ARHGAP15: variants seen among roughly 807,000 people sequenced by gnomAD.
The protein encoded by ARHGAP15 is rho GTPase-activating protein 15.
ARHGAP15 carries 51 observed loss-of-function variants against 63.7 expected under a neutral mutation model. The observed-to-expected ratio is 0.80, with a 90% CI of 0.64 to 1.01. ARHGAP15 has a LOEUF of 1.01. ARHGAP15 is among the 50% of genes least tolerant of loss of function. The pLI is 0.00. For synonymous variants in ARHGAP15, 191 were observed against 193.8 expected, an observed-to-expected ratio of 0.99 and a Z score of 0.12; for missense variants, 560 against 564.6, an observed-to-expected ratio of 0.99 and a Z score of 0.08.
chr2:143,346,204 A>ACACACACTCTCT (rs1558909534), intron 6 of ARHGAP15, among the ~76,000 whole-genome samples: 100 of 144,736 alleles, frequency 6.9e-4, no homozygotes, highest in African/African-American at 2.6e-3. Flanking sequence ...TCTCTCTCTC[A>ACACACACTCTCT]CACACACACT....
At chr2:143,330,552 T>C (rs1159994787) in intron 6 of ARHGAP15, among the ~76,000 whole-genome samples, 5 of 152,200 alleles carry the variant, frequency 3.3e-5, no homozygotes, top group Admixed American at 1.3e-4. Context: ...TTGAGAACAT[T>C]GTATAAAGGC....
At chr2:143,622,876 G>A (rs1230818662) in intron 11 of ARHGAP15, among the ~76,000 whole-genome samples, 2 of 150,496 alleles carry the variant, frequency 1.3e-5, no homozygotes, top group South Asian at 2.1e-4. Flanking sequence ...AGCCCATGCA[G>A]AGAATCCCTA....
chr2:143,290,358 T>C (rs920760138), intron 6 of ARHGAP15, among the ~76,000 whole-genome samples: 1 of 151,342 alleles, frequency 6.6e-6, no homozygotes, highest in African/African-American at 2.4e-5. Context: ...AAAGTGGTGG[T>C]GTTTAAGGGT....
At chr2:143,367,717 T>C (rs1020821748) in intron 6 of ARHGAP15, among the ~76,000 whole-genome samples, 4 of 152,018 alleles carry the variant, frequency 2.6e-5, no homozygotes, top group Admixed American at 2.6e-4. Context: ...TCCCTTCATA[T>C]CTGTAATTCA....
intron 12 of ARHGAP15, among the ~76,000 whole-genome samples, chr2:143,634,081 T>C (rs1680179956): frequency 6.6e-6 from 1 of 152,124 alleles, no homozygotes; most frequent in South Asian, 2.1e-4. Flanking sequence ...GTCTTCAAAG[T>C]CCTTTATGAT....
chr2:143,399,840 G>T (rs1687921307), intron 6 of ARHGAP15, among the ~76,000 whole-genome samples: 1 of 152,070 alleles, frequency 6.6e-6, no homozygotes. Flanking sequence ...TAAGGACATT[G>T]GTGGGAAGAT....
intron 11 of ARHGAP15, among the ~76,000 whole-genome samples, chr2:143,592,613 TCTG>T (rs1343013304): frequency 6.6e-6 from 1 of 152,230 alleles, no homozygotes; most frequent in African/African-American, 2.4e-5. Flanking sequence ...AAGTTGTTCC[TCTG>T]CTGCACATTA....
chr2:143,272,177 C>G (rs1325714286), intron 6 of ARHGAP15, among the ~76,000 whole-genome samples: 1 of 152,134 alleles, frequency 6.6e-6, no homozygotes, highest in Admixed American at 6.5e-5. Flanking sequence ...CTGGTGGCCC[C>G]AGAAAACAGG....
In ARHGAP15 at chr2:143,524,432, C is replaced by T. The variant is rs1348448223; in HGVS notation, c.925+5068C>T. Among the ~76,000 whole-genome samples, 3 of 152,128 alleles carry T rather than the reference C, an allele frequency of 2.0e-5. No individual in the cohort carries two copies. In the East Asian group the frequency reaches 5.8e-4, roughly 29 times the overall value. ...ACTTTGATTTTTGTCCCATTTTATG[C>T]TCATTCCAAACTGTTTACAACCCAC... is the stretch of plus-strand genomic sequence containing the variant. On this transcript the variant is annotated intron_variant, in intron 10 of 13. Coordinates refer to ENST00000295095, the MANE Select transcript of ARHGAP15 (RefSeq NM_018460.4).
chr2:143,735,221 T>C (rs2105494071), intron 13 of ARHGAP15, among the ~76,000 whole-genome samples: 1 of 152,350 alleles, frequency 6.6e-6, no homozygotes, highest in Admixed American at 6.5e-5. Context: ...TGAAAACCTA[T>C]CTTAGGCTTC....
intron 9 of ARHGAP15, among the ~76,000 whole-genome samples, chr2:143,504,654 A>G (rs1200511758): frequency 6.6e-6 from 1 of 152,164 alleles, no homozygotes; most frequent in Non-Finnish European, 1.5e-5. Flanking sequence ...TACTCAAGGG[A>G]GTCCCTGAAG....
chr2:143,713,568 C>A (rs1429963534), intron 13 of ARHGAP15, among the ~76,000 whole-genome samples: 1 of 152,156 alleles, frequency 6.6e-6, no homozygotes, highest in Non-Finnish European at 1.5e-5. Flanking sequence ...ACCCAAAAGT[C>A]CACAGTCCAA....
chr2:143,294,066 C>T (rs1420816107), intron 6 of ARHGAP15, among the ~76,000 whole-genome samples: 1 of 152,020 alleles, frequency 6.6e-6, no homozygotes, highest in Non-Finnish European at 1.5e-5. Flanking sequence ...AAATGATCAT[C>T]TCCTCTAAGC....
intron 8 of ARHGAP15, among the ~76,000 whole-genome samples, chr2:143,465,404 A>G (rs1181018534): frequency 1.3e-5 from 2 of 152,154 alleles, no homozygotes; most frequent in South Asian, 2.1e-4. Flanking sequence ...TAAGAATTGG[A>G]CCGTCCTTAA....
At chr2:143,139,248 C>G (rs1475706942) in intron 1 of ARHGAP15, among the ~76,000 whole-genome samples, 1 of 152,092 alleles carries the variant, frequency 6.6e-6, no homozygotes, top group East Asian at 1.9e-4. Flanking sequence ...GATTACATCT[C>G]TACTCCTGAA....
At chr2:143,363,920 T>A (rs1265247461) in intron 6 of ARHGAP15, among the ~76,000 whole-genome samples, 1 of 152,106 alleles carries the variant, frequency 6.6e-6, no homozygotes, top group Non-Finnish European at 1.5e-5. Context: ...GAAATCAAGT[T>A]TGAACAGTGA....
At chr2:143,281,419 T>C (rs1409974938) in intron 6 of ARHGAP15, among the ~76,000 whole-genome samples, 1 of 152,154 alleles carries the variant, frequency 6.6e-6, no homozygotes, top group Non-Finnish European at 1.5e-5. Context: ...GGATATAATA[T>C]AATAGGATAA....
intron 11 of ARHGAP15, among the ~76,000 whole-genome samples, chr2:143,609,641 A>G (rs898857498): frequency 1.3e-5 from 2 of 152,130 alleles, no homozygotes; most frequent in Non-Finnish European, 2.9e-5. Flanking sequence ...CTAGATTTCA[A>G]CTGACAGAAT....
At chr2:143,419,461 T>TATCATGACAAAATGTGGAAAC (rs139059272) in intron 6 of ARHGAP15, among the ~76,000 whole-genome samples, 134,802 of 151,928 alleles carry the variant, frequency 0.89, 60,228 homozygotes, top group Middle Eastern at 0.97. Flanking sequence ...TGGGTTTATT[T>TATCATGACAAAATGTGGAAAC]AACTAAATTG....
Sources: gnomAD v4.1 joint callset for allele counts (sites outside exome capture counted in the v4.1 genomes callset) on GRCh38, gnomAD v4.1.1 for gene constraint, MANE v1.5 for transcripts, NCBI Gene and HGNC (gene_info 2026-07-23, HGNC 2026-07-21) for gene names.